SPATA6: variants seen among roughly 807,000 people sequenced by gnomAD.
SPATA6 encodes spermatogenesis-associated protein 6.
SPATA6 carries 56 observed loss-of-function variants against 65.3 expected under a neutral mutation model. The ratio of observed to expected loss-of-function variants is 0.86; its 90% CI spans 0.69 to 1.07. The LOEUF (loss-of-function observed/expected upper bound fraction) is 1.07. Ranked by LOEUF, SPATA6 falls within the 50% of genes least tolerant of loss-of-function variation. SPATA6 has a pLI of 0.00. For missense variants in SPATA6, 590 were observed against 594.8 expected, an observed-to-expected ratio of 0.99 and a Z score of 0.08; for synonymous variants, 199 against 213.2, an observed-to-expected ratio of 0.93 and a Z score of 0.58.
chr1:48,337,063 G>A (rs1291210094), intron 11 of SPATA6, among the ~76,000 whole-genome samples: 1 of 151,834 alleles, frequency 6.6e-6, no homozygotes, highest in East Asian at 1.9e-4. Context: ...TTTTTATGAG[G>A]TCAGCCAAAA....
At chr1:48,301,809 G>A (rs1373451929) in intron 12 of SPATA6, among the ~76,000 whole-genome samples, 1 of 152,028 alleles carries the variant, frequency 6.6e-6, no homozygotes, top group African/African-American at 2.4e-5. Flanking sequence ...ATGGTACTGG[G>A]AAAACTGGAT....
At chr1:48,339,091 T>A (rs893925136) in intron 11 of SPATA6, among the ~76,000 whole-genome samples, 2 of 151,882 alleles carry the variant, frequency 1.3e-5, no homozygotes, top group Non-Finnish European at 2.9e-5. Context: ...GAAAATGTAA[T>A]AAACTAAGCC....
intron 11 of SPATA6, among the ~76,000 whole-genome samples, chr1:48,315,360 T>A (rs1449661313): frequency 6.6e-6 from 1 of 152,144 alleles, no homozygotes; most frequent in Non-Finnish European, 1.5e-5. Flanking sequence ...GTGGGCTTCA[T>A]CCCTGGGATG....
chr1:48,326,366 T>C (rs967045877), intron 11 of SPATA6, among the ~76,000 whole-genome samples: 7 of 151,932 alleles, frequency 4.6e-5, no homozygotes, highest in Admixed American at 6.6e-5. Flanking sequence ...CACAAACAAA[T>C]GGAAAAACAT....
chr1:48,282,445 G>C, the SPATA6 span, among the ~76,000 whole-genome samples: 1 of 151,960 alleles, frequency 6.6e-6, no homozygotes, highest in Non-Finnish European at 1.5e-5. Context: ...TCTGAGAAAG[G>C]GGCTAATATC....
At chr1:48,465,406 A>G (rs764076251) in intron 1 of SPATA6, among the ~76,000 whole-genome samples, 1 of 152,130 alleles carries the variant, frequency 6.6e-6, no homozygotes, top group Non-Finnish European at 1.5e-5. Flanking sequence ...TTGTTATGAC[A>G]GTCCTAGGAA....
chr1:48,461,530 G>A (rs1270650317), intron 1 of SPATA6, among the ~76,000 whole-genome samples: 1 of 152,116 alleles, frequency 6.6e-6, no homozygotes, highest in Non-Finnish European at 1.5e-5. Context: ...CTGTAAGGAA[G>A]GGATCCAGTT....
intron 2 of SPATA6, among the ~76,000 whole-genome samples, chr1:48,451,885 C>T (rs1447087964): frequency 6.6e-6 from 1 of 152,170 alleles, no homozygotes; most frequent in African/African-American, 2.4e-5. Flanking sequence ...TTTTCAACTA[C>T]AAGCCTTTAT....
intron 4 of SPATA6, among the ~76,000 whole-genome samples, chr1:48,412,408 T>G (rs1016379156): frequency 3.9e-5 from 6 of 152,156 alleles, no homozygotes; most frequent in African/African-American, 1.4e-4. Flanking sequence ...TCACAAAAAC[T>G]TAAAAGTCAA....
In SPATA6 at chr1:48,472,159, T is replaced by A. The variant is rs376579609; in HGVS notation, c.-151A>T. 1.7e-6 allele frequency: 1 copy of A among 592,620 alleles called. No individual in the cohort carries two copies. Among genetic ancestry groups the A allele is most frequent in the Non-Finnish European group, 2.8e-6 (1 of 358,178 alleles). The allele number at this position is 592,620 out of a possible 1,614,324, so 36.7% of individuals were successfully genotyped here. On this transcript the variant is annotated 5_prime_UTR_variant, in exon 1 of 13. Coordinates refer to ENST00000371847, the MANE Select transcript of SPATA6 (RefSeq NM_019073.4). Reference sequence around the variant, plus strand: ...GCCGGGGCCCGCGGTCCAGCCTGGGTTCCGCCGGAGAAGCAGCTGAGCGCG... The same window carrying A: ...GCCGGGGCCCGCGGTCCAGCCTGGGATCCGCCGGAGAAGCAGCTGAGCGCG...
chr1:48,314,352 C>T lies in SPATA6; in HGVS notation c.1195-8474G>A, dbSNP rs374192974. On this transcript the variant is annotated intron_variant, in intron 11 of 12. Transcript: ENST00000371847. ...TTATAACAAACTGTCTCTCAGACCA[C>T]AGTGCAATCAAACTAGAACTCAGGA... 3.3e-5 allele frequency among the ~76,000 whole-genome samples: 5 copies of T among 152,218 alleles called. No individual in the cohort carries two copies. The East Asian group carries it at 9.6e-4, about 29-fold the overall frequency.
intron 11 of SPATA6, among the ~76,000 whole-genome samples, chr1:48,315,323 C>T (rs981524243): frequency 6.6e-6 from 1 of 152,134 alleles, no homozygotes; most frequent in Admixed American, 6.5e-5. Flanking sequence ...TCCAGCAACA[C>T]ATCAAAAACT....
At chr1:48,450,108 G>T (rs1656427423) in intron 3 of SPATA6, among the ~76,000 whole-genome samples, 3 of 151,868 alleles carry the variant, frequency 2.0e-5, no homozygotes, top group Admixed American at 2.0e-4. Context: ...AGAGCCCAAA[G>T]CACATTAGAG....
chr1:48,349,814 T>C (rs1298915498), intron 11 of SPATA6, among the ~76,000 whole-genome samples: 2 of 151,886 alleles, frequency 1.3e-5, no homozygotes, highest in East Asian at 3.9e-4. Context: ...TTTTTTATTG[T>C]TGAGTAGTAT....
At chr1:48,368,158 GA>G (rs1406739061) in intron 9 of SPATA6, among the ~76,000 whole-genome samples, 1 of 152,194 alleles carries the variant, frequency 6.6e-6, no homozygotes, top group African/African-American at 2.4e-5. Flanking sequence ...TTTCTGCCAA[GA>G]GATCAGCTGT....
chr1:48,458,768 G>C (rs1453300329), intron 1 of SPATA6, among the ~76,000 whole-genome samples: 2 of 152,154 alleles, frequency 1.3e-5, no homozygotes, highest in South Asian at 4.1e-4. Flanking sequence ...TTAGATCCAG[G>C]GGCTGGTGGG....
At chr1:48,330,071 T>C (rs897964502) in intron 11 of SPATA6, among the ~76,000 whole-genome samples, 4 of 152,140 alleles carry the variant, frequency 2.6e-5, no homozygotes, top group Non-Finnish European at 4.4e-5. Flanking sequence ...AGCAGTAACA[T>C]TGCTCCACCA....
rs577121622 is a variant in SPATA6, at chr1:48,350,755, T to C, written c.1194+4915A>G. 3.9e-5 allele frequency among the ~76,000 whole-genome samples: 6 copies of C among 152,054 alleles called. No homozygotes were observed. In the South Asian group the frequency reaches 1.2e-3, roughly 32 times the overall value. On this transcript the variant is annotated intron_variant, in intron 11 of 12. Coordinates refer to ENST00000371847, the MANE Select transcript of SPATA6 (RefSeq NM_019073.4). ...ACATGTGTCCATAATTTAATCAATA[T>C]AACACAATCTTCATTACTGTGCTTT... is the stretch of plus-strand genomic sequence containing the variant.
chr1:48,414,373 A>G (rs1318576014), intron 3 of SPATA6, among the ~76,000 whole-genome samples: 1 of 152,206 alleles, frequency 6.6e-6, no homozygotes, highest in African/African-American at 2.4e-5. Flanking sequence ...TCTTTTTTCT[A>G]CAGCCTCATC....
Sources: allele counts gnomAD v4.1 joint callset (sites outside exome capture counted in the v4.1 genomes callset), GRCh38; gene constraint gnomAD v4.1.1; transcripts MANE v1.5; gene names NCBI Gene and HGNC (gene_info 2026-07-23, HGNC 2026-07-21).